STXBP5L: variants seen among roughly 807,000 people sequenced by gnomAD.
STXBP5L encodes the protein syntaxin-binding protein 5-like.
In STXBP5L, 65 loss-of-function variants were observed where a neutral mutation model predicts 144.5. The ratio of observed to expected loss-of-function variants is 0.45; its 90% CI spans 0.37 to 0.55. The LOEUF is 0.55. Ranked by LOEUF, STXBP5L falls within the 20% of genes least tolerant of loss-of-function variation. STXBP5L has a pLI of 0.00. For synonymous variants in STXBP5L, 505 were observed against 469.6 expected (o/e 1.08, Z -0.97); for missense variants, 1,298 against 1,405.5 (o/e 0.92, Z 1.22).
intron 3 of STXBP5L, among the ~76,000 whole-genome samples, chr3:120,999,469 C>T (rs1327310755): frequency 6.6e-6 from 1 of 152,174 alleles, no homozygotes; most frequent in Non-Finnish European, 1.5e-5. Flanking sequence ...TGTGTCATTA[C>T]ACGTGACATT....
At chr3:121,205,199 G>C (rs550800251) in intron 9 of STXBP5L, among the ~76,000 whole-genome samples, 1 of 152,142 alleles carries the variant, frequency 6.6e-6, no homozygotes, top group African/African-American at 2.4e-5. Context: ...TACACACTAC[G>C]CAATGTATAA....
At chr3:121,299,059 C>A (rs911219965) in intron 19 of STXBP5L, among the ~76,000 whole-genome samples, 1 of 152,124 alleles carries the variant, frequency 6.6e-6, no homozygotes, top group African/African-American at 2.4e-5. Context: ...TGTATTTGCT[C>A]TCCTAGCAGA....
At chr3:121,138,206 G>T (rs2045349144) in intron 7 of STXBP5L, among the ~76,000 whole-genome samples, 1 of 151,880 alleles carries the variant, frequency 6.6e-6, no homozygotes, top group Admixed American at 6.6e-5. Flanking sequence ...ATTTAAGGAG[G>T]TGAAAGGAGG....
chr3:120,920,639 G>A (rs956190634), intron 2 of STXBP5L, among the ~76,000 whole-genome samples: 9 of 151,386 alleles, frequency 5.9e-5, no homozygotes, highest in Admixed American at 5.9e-4. Context: ...TAATCAACTT[G>A]TCTTCATTTT....
chr3:120,999,935 C>T (rs1943639484), intron 3 of STXBP5L, among the ~76,000 whole-genome samples: 2 of 152,110 alleles, frequency 1.3e-5, no homozygotes, highest in South Asian at 2.1e-4. Flanking sequence ...TGAATATAGG[C>T]CCCCAGTCTT....
intron 9 of STXBP5L, among the ~76,000 whole-genome samples, chr3:121,201,981 C>A (rs529698476): frequency 4.6e-5 from 7 of 152,290 alleles, no homozygotes; most frequent in Admixed American, 2.6e-4. Context: ...GTGTTGAACA[C>A]CTGACCTCAG....
chr3:120,970,314 A>G (rs1576522347), intron 3 of STXBP5L, among the ~76,000 whole-genome samples: 2 of 152,206 alleles, frequency 1.3e-5, no homozygotes, highest in African/African-American at 2.4e-5. Flanking sequence ...CTTATTATAC[A>G]CTAGTGCCCA....
intron 3 of STXBP5L, among the ~76,000 whole-genome samples, chr3:120,990,974 A>G (rs1942795698): frequency 6.6e-6 from 1 of 152,226 alleles, no homozygotes; most frequent in African/African-American, 2.4e-5. Flanking sequence ...GCCAAAACTG[A>G]CAAATGGGAT....
intron 9 of STXBP5L, among the ~76,000 whole-genome samples, chr3:121,186,191 T>TC (rs1442938207): frequency 5.9e-5 from 9 of 152,270 alleles, no homozygotes; most frequent in African/African-American, 1.9e-4. Flanking sequence ...CTTAAGGAGG[T>TC]TGTGGGCTGA....
intron 20 of STXBP5L, among the ~76,000 whole-genome samples, chr3:121,320,125 A>G (rs1242288684): frequency 6.6e-6 from 1 of 152,166 alleles, no homozygotes; most frequent in Admixed American, 6.5e-5. Flanking sequence ...CAGAATTAAC[A>G]TATTCAACAA....
intron 5 of STXBP5L, among the ~76,000 whole-genome samples, chr3:121,065,132 G>C (rs2041481136): frequency 6.6e-6 from 1 of 151,324 alleles, no homozygotes; most frequent in African/African-American, 2.4e-5. Context: ...TTCTTTATCT[G>C]ATCCACTGTT....
In STXBP5L at chr3:121,407,230, A is replaced by C; in HGVS notation, c.2588-13A>C. The C allele has an allele frequency of 5.9e-6, 9 of 1,534,314 alleles. No individual in the cohort carries two copies. Among genetic ancestry groups the C allele is most frequent in the Non-Finnish European group, 7.9e-6 (9 of 1,144,836 alleles). On this transcript the variant is annotated splice_polypyrimidine_tract_variant and intron_variant, in intron 22 of 26. Coordinates refer to ENST00000471454, the MANE Select transcript of STXBP5L (RefSeq NM_001308330.2). ...GAATTTGACATGTCAGTGATGTCCA[A>C]TTGTTTTTATAGGTACATTCCTCTC...
At chr3:121,208,587 A>T (rs1198527891) in intron 10 of STXBP5L, among the ~76,000 whole-genome samples, 1 of 152,126 alleles carries the variant, frequency 6.6e-6, no homozygotes, top group Admixed American at 6.6e-5. Flanking sequence ...TATGAAATAT[A>T]TGACATATAT....
intron 3 of STXBP5L, among the ~76,000 whole-genome samples, chr3:120,971,512 ATTTC>A (rs1045382614): frequency 3.0e-4 from 46 of 151,342 alleles, no homozygotes; most frequent in African/African-American, 1.0e-3. Flanking sequence ...TTGACTTTCT[ATTTC>A]TTTCTATTTC....
chr3:121,052,920 A>G (rs1171622118), intron 5 of STXBP5L, among the ~76,000 whole-genome samples: 8 of 152,192 alleles, frequency 5.3e-5, no homozygotes, highest in Non-Finnish European at 8.8e-5. Flanking sequence ...AAATCAATGT[A>G]CAAAAATCAC....
chr3:121,321,700 A>C (rs1345796578), intron 20 of STXBP5L, among the ~76,000 whole-genome samples: 1 of 152,182 alleles, frequency 6.6e-6, no homozygotes, highest in Non-Finnish European at 1.5e-5. Flanking sequence ...CCTCCCCTGT[A>C]GGTATCTGTT....
chr3:121,052,795 A>T (rs911289606), intron 5 of STXBP5L, among the ~76,000 whole-genome samples: 2 of 152,152 alleles, frequency 1.3e-5, no homozygotes, highest in Non-Finnish European at 2.9e-5. Context: ...AGGAAAAGAG[A>T]AAGTCAAATT....
intron 8 of STXBP5L, among the ~76,000 whole-genome samples, chr3:121,153,173 G>A (rs1293426798): frequency 1.3e-5 from 2 of 152,048 alleles, no homozygotes; most frequent in Non-Finnish European, 2.9e-5. Context: ...TTTAGGGGAA[G>A]CAACAAACTC....
intron 9 of STXBP5L, among the ~76,000 whole-genome samples, chr3:121,178,686 C>T (rs1486260826): frequency 6.6e-6 from 1 of 152,120 alleles, no homozygotes; most frequent in Non-Finnish European, 1.5e-5. Context: ...AGGCTTTAAC[C>T]TTACCTGGAG....
Sources: gnomAD v4.1 joint callset for allele counts (sites outside exome capture counted in the v4.1 genomes callset) on GRCh38, gnomAD v4.1.1 for gene constraint, MANE v1.5 for transcripts, NCBI Gene and HGNC (gene_info 2026-07-23, HGNC 2026-07-21) for gene names.